Variants in SLC47A1 observed in about 807,000 individuals in gnomAD.
The protein encoded by SLC47A1 is solute carrier family 47 member 1, also known as multidrug and toxin extrusion protein 1.
SLC47A1 carries 58 observed loss-of-function variants against 65.8 expected under a neutral mutation model. That is an observed-to-expected ratio of 0.88 (90% CI 0.71 to 1.10). The LOEUF (loss-of-function observed/expected upper bound fraction) is 1.10, where lower values mean the gene tolerates loss of function less well. Ranked by LOEUF, SLC47A1 falls within the 50% of genes least tolerant of loss-of-function variation. The pLI, the probability that SLC47A1 is intolerant of heterozygous loss-of-function variation, is 0.00. For missense variants in SLC47A1, 706 were observed against 719.2 expected (o/e 0.98, Z 0.21); for synonymous variants, 285 against 295.0 (o/e 0.97, Z 0.35).
At chr17:19,571,344 C>A in intron 14 of SLC47A1, 134 bp from the exon 15 acceptor site, 1 of 695,766 alleles carries the variant, frequency 1.4e-6, no homozygotes. Context: ...GGTCTCTGGC[C>A]CGCTGTGGGC....
rs760151241 is a variant in SLC47A1, at chr17:19,546,294, C to T, written c.238-141C>T. The T allele has an allele frequency of 7.4e-4, 545 of 732,542 alleles. 6 individuals are homozygous for T. Among genetic ancestry groups the T allele is most frequent in the Admixed American group, 2.9e-4 (13 of 45,558 alleles). The allele number at this position is 732,542 out of a possible 1,614,324, so 45.4% of individuals were successfully genotyped here. ...AGAATGGCTTCAGTATGAGTGGGGT[C>T]CAGGCAGCTAACAAAGTTGGTAAAA... On this transcript the variant is annotated intron_variant, in intron 2 of 16. Coordinates refer to ENST00000270570, the MANE Select transcript of SLC47A1 (RefSeq NM_018242.3).
chr17:19,576,335 T>C (rs2084439234), intron 16 of SLC47A1, among the ~76,000 whole-genome samples: 1 of 148,054 alleles, frequency 6.8e-6, no homozygotes, highest in Non-Finnish European at 1.5e-5. Flanking sequence ...AATAGCCTTG[T>C]ATTCTTTCTT....
In SLC47A1 at chr17:19,571,458, T is replaced by C. The variant is rs962060752; in HGVS notation, c.1310-20T>C. 1 of 1,606,358 alleles carries C rather than the reference T, an allele frequency of 6.2e-7. No individual in the cohort carries two copies. The highest frequency in any genetic ancestry group is 8.5e-7 in the Non-Finnish European group (1 of 1,174,630). Reference sequence around the variant, plus strand: ...TGGTTTTCTATGGAATTAACCTCTATTAAATATTTCTATTTCTAGGTCTGT... The same window carrying C: ...TGGTTTTCTATGGAATTAACCTCTACTAAATATTTCTATTTCTAGGTCTGT... On this transcript the variant is annotated intron_variant, in intron 14 of 16. Coordinates refer to ENST00000270570, the MANE Select transcript of SLC47A1 (RefSeq NM_018242.3).
intron 10 of SLC47A1, among the ~76,000 whole-genome samples, chr17:19,557,014 G>A (rs1916636885): frequency 6.6e-6 from 1 of 152,206 alleles, no homozygotes; most frequent in Admixed American, 6.5e-5. Context: ...TAGTCATTAG[G>A]AGGCTTTTCT....
At chr17:19,543,533 C>A (rs554056180) in intron 2 of SLC47A1, among the ~76,000 whole-genome samples, 1 of 152,296 alleles carries the variant, frequency 6.6e-6, no homozygotes, top group Admixed American at 6.5e-5. Flanking sequence ...CCCCCATGCC[C>A]ACTCCTCAGT....
intron 2 of SLC47A1, among the ~76,000 whole-genome samples, chr17:19,544,261 G>A (rs1916229345): frequency 6.6e-6 from 1 of 152,160 alleles, no homozygotes; most frequent in African/African-American, 2.4e-5. Context: ...TTTTATTTTG[G>A]CTTTAGCGGG....
chr17:19,559,698 A>G (rs559923332), intron 10 of SLC47A1, among the ~76,000 whole-genome samples: 10 of 152,108 alleles, frequency 6.6e-5, no homozygotes, highest in African/African-American at 2.4e-4. Context: ...CGCCCAGCTA[A>G]GTTTTGTATT....
chr17:19,551,551 G>A (rs1847850931), intron 6 of SLC47A1, 83 bp downstream of exon 6: 9 of 1,255,264 alleles, frequency 7.2e-6, no homozygotes, highest in Non-Finnish European at 1.0e-5. Context: ...GATACTCCAG[G>A]ACCAGGGACC....
In SLC47A1 at chr17:19,572,009, C is replaced by T. The variant is rs80225012; in HGVS notation, c.1404+437C>T. ...TAGGTGGTAGAAAAATGAGATGAGT[C>T]GAGGTACAGTGGCTTATGCCTGTAG... On this transcript the variant is annotated intron_variant, in intron 15 of 16. Transcript: ENST00000270570. Among the ~76,000 whole-genome samples, 1,426 of 152,146 alleles carry T rather than the reference C, an allele frequency of 9.4e-3. 57 individuals are homozygous for T. The highest frequency in any genetic ancestry group is 0.063 in the East Asian group (326 of 5,184).
chr17:19,551,339 G>A, intron 5 of SLC47A1, 85 bp from the exon 6 acceptor site: 2 of 1,218,290 alleles, frequency 1.6e-6, no homozygotes, highest in East Asian at 2.3e-5. Flanking sequence ...AACCTTGGCT[G>A]TGGCTCCTAG....
intron 12 of SLC47A1, among the ~76,000 whole-genome samples, chr17:19,565,205 G>T (rs1329015439): frequency 1.3e-5 from 2 of 152,046 alleles, no homozygotes; most frequent in African/African-American, 4.8e-5. Context: ...TAGCTTTAGG[G>T]GTTCCATTTC....
intron 3 of SLC47A1, among the ~76,000 whole-genome samples, chr17:19,546,716 T>G (rs1270298931): frequency 6.6e-6 from 1 of 152,206 alleles, no homozygotes; most frequent in Non-Finnish European, 1.5e-5. Context: ...TGCCTTACCC[T>G]ATATTTTGAT....
chr17:19,562,426 G>A (rs948620587), intron 12 of SLC47A1, among the ~76,000 whole-genome samples: 19 of 152,004 alleles, frequency 1.2e-4, no homozygotes, highest in African/African-American at 4.1e-4. Flanking sequence ...TTAGCTAGGC[G>A]TGGTGAGGCA....
chr17:19,537,569 C>G (rs1038084648), intron 1 of SLC47A1, among the ~76,000 whole-genome samples: 25 of 152,360 alleles, frequency 1.6e-4, no homozygotes, highest in African/African-American at 5.3e-4. Context: ...GGCCCCCACG[C>G]CTCTACTCCC....
chr17:19,538,763 CAA>C (rs1326580019), intron 1 of SLC47A1, among the ~76,000 whole-genome samples: 3 of 152,154 alleles, frequency 2.0e-5, no homozygotes, highest in African/African-American at 7.2e-5. Flanking sequence ...GAACTTTCAG[CAA>C]TCATGGGAGG....
chr17:19,550,932 C>T (rs1232247215), intron 5 of SLC47A1, among the ~76,000 whole-genome samples: 1 of 152,170 alleles, frequency 6.6e-6, no homozygotes, highest in Non-Finnish European at 1.5e-5. Flanking sequence ...TTTAATCTCC[C>T]CTTGAGGACC....
rs559864213 is a variant in SLC47A1, at chr17:19,558,479, T to G, written c.922-1709T>G. On this transcript the variant is annotated intron_variant, in intron 10 of 16. Transcript: ENST00000270570. ...TGTTTTTATTTTACTTATTTTTTTTTTTTTAAGACAGTGTCTTGTTCTGGT... is the reference window on the plus strand; with the variant it reads ...TGTTTTTATTTTACTTATTTTTTTTGTTTTAAGACAGTGTCTTGTTCTGGT... Among the ~76,000 whole-genome samples, 44 of 152,168 alleles carry G rather than the reference T, an allele frequency of 2.9e-4. No homozygotes were observed. The East Asian group carries it at 8.3e-3, about 29-fold the overall frequency.
chr17:19,555,545 G>A (rs1005272049), intron 7 of SLC47A1, 48 bp from the exon 8 acceptor site: 22 of 1,578,096 alleles, frequency 1.4e-5, no homozygotes, highest in Non-Finnish European at 1.8e-5. Context: ...GTTGGGCAGG[G>A]AGAGGCGCAG....
intron 4 of SLC47A1, 74 bp downstream of exon 4, chr17:19,548,207 G>T (rs1427015643): frequency 3.2e-6 from 5 of 1,547,058 alleles, no homozygotes; most frequent in Non-Finnish European, 4.4e-6. Flanking sequence ...GTGCAGCCAG[G>T]GCCAGGGACA....
Sources: gnomAD v4.1 joint callset for allele counts (sites outside exome capture counted in the v4.1 genomes callset) on GRCh38, gnomAD v4.1.1 for gene constraint, MANE v1.5 for transcripts, NCBI Gene and HGNC (gene_info 2026-07-23, HGNC 2026-07-21) for gene names.